The following CAMKMT variants were observed in gnomAD, a reference collection of about 807,000 sequenced individuals.
CAMKMT encodes the protein CaM KMT.
Under a neutral mutation model 48.0 loss-of-function variants are expected in CAMKMT, and 53 were observed. The ratio of observed to expected loss-of-function variants is 1.10; its 90% CI spans 0.89 to 1.39. The LOEUF is 1.39. Ranked by LOEUF, CAMKMT falls within the 40% of genes most tolerant of loss-of-function variation. CAMKMT has a pLI of 0.00. For synonymous variants in CAMKMT, 165 were observed against 152.3 expected, an observed-to-expected ratio of 1.08 and a Z score of -0.61; for missense variants, 428 against 402.7, an observed-to-expected ratio of 1.06 and a Z score of -0.54.
intron 3 of CAMKMT, among the ~76,000 whole-genome samples, chr2:44,658,831 A>T (rs999020044): frequency 2.0e-5 from 3 of 152,096 alleles, no homozygotes; most frequent in African/African-American, 7.2e-5. Context: ...TTCCAGTGGG[A>T]GCCATTTCAT....
At chr2:44,390,160 CA>C in intron 2 of CAMKMT, 80 bp from the exon 3 acceptor site, 8 of 965,740 alleles carry the variant, frequency 8.3e-6, no homozygotes, top group Non-Finnish European at 1.3e-5. Flanking sequence ...CCATAATATA[CA>C]GTCTCAGTCT....
intron 9 of CAMKMT, among the ~76,000 whole-genome samples, chr2:44,764,645 A>G (rs1680761881): frequency 6.6e-6 from 1 of 152,162 alleles, no homozygotes; most frequent in African/African-American, 2.4e-5. Flanking sequence ...ACTCCCCTTA[A>G]GTCCAGTCCT....
chr2:44,625,423 G>A (rs976517149), intron 3 of CAMKMT, among the ~76,000 whole-genome samples: 2 of 152,024 alleles, frequency 1.3e-5, no homozygotes, highest in Non-Finnish European at 2.9e-5. Flanking sequence ...CAAATCAGTT[G>A]TTAAATGTAA....
intron 3 of CAMKMT, among the ~76,000 whole-genome samples, chr2:44,611,886 C>G (rs891773467): frequency 1.3e-5 from 2 of 152,010 alleles, no homozygotes; most frequent in African/African-American, 4.8e-5. Flanking sequence ...ATGACCAGCT[C>G]TTGTGTGAAC....
At chr2:44,398,243 T>C (rs917454228) in intron 3 of CAMKMT, among the ~76,000 whole-genome samples, 1 of 152,198 alleles carries the variant, frequency 6.6e-6, no homozygotes, top group African/African-American at 2.4e-5. Context: ...TCTACTTTAT[T>C]TCTTAAAGGC....
chr2:44,569,311 A>G (rs1270200037), intron 3 of CAMKMT, among the ~76,000 whole-genome samples: 2 of 152,232 alleles, frequency 1.3e-5, no homozygotes, highest in African/African-American at 2.4e-5. Context: ...AGATGCAAAT[A>G]TCATCGGCTT....
At chr2:44,624,114 C>G (rs891677746) in intron 3 of CAMKMT, among the ~76,000 whole-genome samples, 1 of 152,028 alleles carries the variant, frequency 6.6e-6, no homozygotes, top group East Asian at 1.9e-4. Context: ...AAGTAAACAC[C>G]ATCAGCAGAG....
intron 1 of CAMKMT, among the ~76,000 whole-genome samples, chr2:44,366,615 A>C (rs1325677721): frequency 6.6e-6 from 1 of 152,206 alleles, no homozygotes; most frequent in Non-Finnish European, 1.5e-5. Context: ...TGGGAGTGAT[A>C]ACACATACTT....
intron 3 of CAMKMT, among the ~76,000 whole-genome samples, chr2:44,613,421 G>A (rs1384945260): frequency 6.6e-6 from 1 of 152,136 alleles, no homozygotes; most frequent in Non-Finnish European, 1.5e-5. Context: ...ACAGCAGCAG[G>A]ACTTCAGGAC....
intron 3 of CAMKMT, chr2:44,549,591 A>C: frequency 1.5e-6 from 1 of 688,590 alleles, no homozygotes; most frequent in East Asian, 2.7e-5. Flanking sequence ...GCTGGAGTGC[A>C]GTGGTGATCA....
intron 1 of CAMKMT, among the ~76,000 whole-genome samples, chr2:44,370,271 T>A (rs1276612113): frequency 6.6e-6 from 1 of 152,222 alleles, no homozygotes; most frequent in Non-Finnish European, 1.5e-5. Flanking sequence ...TACTCAGACA[T>A]GTAATGTAAT....
At chr2:44,414,903 C>A (rs1218071927) in intron 3 of CAMKMT, among the ~76,000 whole-genome samples, 1 of 152,218 alleles carries the variant, frequency 6.6e-6, no homozygotes. Flanking sequence ...TGCCTGTAAT[C>A]CCAGCATGCT....
chr2:44,390,595 A>G (rs1340555411), intron 3 of CAMKMT, among the ~76,000 whole-genome samples: 1 of 151,990 alleles, frequency 6.6e-6, no homozygotes, highest in South Asian at 2.1e-4. Flanking sequence ...AACACTGGAC[A>G]CTGAAGTACT....
At position 44,601,194 on chromosome 2, in the gene CAMKMT, C is replaced by T. The variant is rs143401684; in HGVS notation, c.377-103089C>T. Among the ~76,000 whole-genome samples, 249 of 152,172 alleles carry T rather than the reference C, an allele frequency of 1.6e-3. 1 individual carries two copies. Among genetic ancestry groups the T allele is most frequent in the African/African-American group, 5.7e-3 (238 of 41,468 alleles). On this transcript the variant is annotated intron_variant, in intron 3 of 10. Transcript: ENST00000378494. ...TTAGAAAAAGTCATATGGTGGCTCA[C>T]GCCTGTAATCCCAGCACTTTGGGAG...
chr2:44,481,527 TTA>T (rs1345980058), intron 3 of CAMKMT, among the ~76,000 whole-genome samples: 4 of 152,074 alleles, frequency 2.6e-5, no homozygotes, highest in African/African-American at 9.6e-5. Context: ...TTTCAGAAGC[TTA>T]TGTTAAAATT....
At chr2:44,732,102 C>T (rs1679106234) in intron 7 of CAMKMT, among the ~76,000 whole-genome samples, 1 of 152,146 alleles carries the variant, frequency 6.6e-6, no homozygotes, top group African/African-American at 2.4e-5. Context: ...CAGGTACATA[C>T]CACCACAACT....
At chr2:44,743,405 TA>T (rs1211996025) in intron 7 of CAMKMT, among the ~76,000 whole-genome samples, 6 of 152,184 alleles carry the variant, frequency 3.9e-5, no homozygotes, top group African/African-American at 1.4e-4. Context: ...GCAAAAAGGT[TA>T]ACTATTTTAT....
At chr2:44,449,595 G>T (rs1001919631) in intron 3 of CAMKMT, among the ~76,000 whole-genome samples, 1 of 151,700 alleles carries the variant, frequency 6.6e-6, no homozygotes, top group Non-Finnish European at 1.5e-5. Flanking sequence ...TTTCACATAT[G>T]CTTCTTTTTA....
At chr2:44,470,715 C>A (rs1446266866) in intron 3 of CAMKMT, among the ~76,000 whole-genome samples, 1 of 152,156 alleles carries the variant, frequency 6.6e-6, no homozygotes, top group South Asian at 2.1e-4. Flanking sequence ...TTTTCCTTCT[C>A]CAACAACCTT....
Sources: gnomAD v4.1 joint callset for allele counts (sites outside exome capture counted in the v4.1 genomes callset) on GRCh38, gnomAD v4.1.1 for gene constraint, MANE v1.5 for transcripts, NCBI Gene and HGNC (gene_info 2026-07-23, HGNC 2026-07-21) for gene names.